GLOD4: variants seen among roughly 807,000 people sequenced by gnomAD.
GLOD4 encodes glyoxalase domain-containing protein 4.
GLOD4 carries 44 observed loss-of-function variants against 39.1 expected under a neutral mutation model. The observed-to-expected ratio is 1.13, with a 90% confidence interval of 0.88 to 1.45. The LOEUF is 1.45. GLOD4 is among the 40% of genes most tolerant of loss of function. GLOD4 has a pLI of 0.00. For synonymous variants in GLOD4, 145 were observed against 135.0 expected, an observed-to-expected ratio of 1.07 and a Z score of -0.52; for missense variants, 405 against 366.4, an observed-to-expected ratio of 1.11 and a Z score of -0.86.
intron 2 of GLOD4, chr17:777,684 A>ATT (rs1442584166): frequency 6.6e-6 from 1 of 152,148 alleles, no homozygotes; most frequent in Non-Finnish European, 1.5e-5. Context: ...CATCTAGAGC[A>ATT]TGTACTTATT....
Position 771,367 on chromosome 17 carries a change from A to G in GLOD4, c.501T>C (p.Asp167=). 1 of 1,604,436 alleles carries G rather than the reference A, an allele frequency of 6.2e-7. No homozygotes were observed. Residue 167 remains aspartate, a synonymous_variant, in exon 5 of 9, where the codon GAT becomes GAC. Coordinates refer to ENST00000301329, the MANE Select transcript of GLOD4 (RefSeq NM_016080.4). ...NLLGMKIYEK[D]EEKQRALLGY... ...CCAGCAAAGCCCTTTGCTTTTCTTC[A>G]TCTTTTTCATAAATTTTCATTCCCA...
chr17:785,618 T>C (rs1910495800), upstream of GLOD4, among the ~76,000 whole-genome samples: 2 of 152,238 alleles, frequency 1.3e-5, no homozygotes, highest in African/African-American at 4.8e-5. Context: ...GCGTGAGGCC[T>C]TGGAAGTGAC....
intron 2 of GLOD4, chr17:778,296 T>A: frequency 3.1e-6 from 1 of 323,612 alleles, no homozygotes; most frequent in Non-Finnish European, 5.6e-6. Flanking sequence ...GCGCCTGACG[T>A]GGCGGAAAAT....
chr17:779,709 T>C (rs1909555149), intron 1 of GLOD4, among the ~76,000 whole-genome samples: 1 of 152,084 alleles, frequency 6.6e-6, no homozygotes, highest in Non-Finnish European at 1.5e-5. Context: ...AATTAGAATC[T>C]GAGTCTCAGT....
rs1905179618 is a variant in GLOD4, at chr17:759,937, G to A, written c.*236C>T. The A allele has an allele frequency of 2.6e-5, 14 of 528,728 alleles. No individual in the cohort carries two copies. Among genetic ancestry groups the A allele is most frequent in the Admixed American group, 6.9e-5 (2 of 29,088 alleles). The allele number at this position is 528,728 out of a possible 1,614,324, so 32.8% of individuals were successfully genotyped here. The stretch of plus-strand genomic sequence containing the variant: ...TCCAACACAGTTATATACAGAATGC[G>A]CAGTCCCAGCAACAGTGTAGATTAC... On this transcript the variant is annotated 3_prime_UTR_variant, in exon 9 of 9. Coordinates refer to ENST00000301329, the MANE Select transcript of GLOD4 (RefSeq NM_016080.4).
At chr17:782,985 G>T, upstream of GLOD4, 1 of 1,491,260 alleles carries the variant, frequency 6.7e-7, no homozygotes, top group African/African-American at 1.4e-5. Flanking sequence ...ACCGCGCCCG[G>T]CCCTCTCCGT....
chr17:764,261 A>C (rs979974715), intron 8 of GLOD4: 2 of 152,220 alleles, frequency 1.3e-5, no homozygotes, highest in African/African-American at 4.8e-5. Context: ...AAAAAACATC[A>C]GCTGGGCATA....
At chr17:774,523 A>C (rs1296926714) in intron 4 of GLOD4, among the ~76,000 whole-genome samples, 1 of 152,256 alleles carries the variant, frequency 6.6e-6, no homozygotes, top group Non-Finnish European at 1.5e-5. Flanking sequence ...TCAACAAAAC[A>C]AACCCTGCAA....
intron 2 of GLOD4, among the ~76,000 whole-genome samples, chr17:778,035 G>A (rs1479191597): frequency 2.0e-5 from 3 of 152,186 alleles, no homozygotes; most frequent in Non-Finnish European, 2.9e-5. Context: ...GGAGGTGCTG[G>A]ATTGGAGCCT....
At chr17:764,000 G>GCTCT (rs1906010039) in intron 8 of GLOD4, 2 of 152,202 alleles carry the variant, frequency 1.3e-5, no homozygotes, top group East Asian at 3.8e-4. Context: ...GTCACGTAAG[G>GCTCT]CTCTGTCGTA....
rs1489787390 is a variant in GLOD4, at chr17:759,490, T to C, written c.*683A>G. 2 of 152,088 alleles carry C rather than the reference T, an allele frequency of 1.3e-5. No homozygotes were observed. Among genetic ancestry groups the C allele is most frequent in the Non-Finnish European group, 2.9e-5 (2 of 68,034 alleles). The allele number at this position is 152,088 out of a possible 1,614,324, so 9.4% of individuals were successfully genotyped here. A position where few individuals can be genotyped will look rare whatever the true frequency, so the allele number is the denominator to read the frequency against. On this transcript the variant is annotated 3_prime_UTR_variant, in exon 9 of 9. Transcript: ENST00000301329. ...TCGTTTAATCCATTTTAAAGAAATC[T>C]CACATGATGTTCTGTCGGGATTAAA...
intron 4 of GLOD4, among the ~76,000 whole-genome samples, chr17:772,506 G>C (rs754866141): frequency 2.0e-5 from 3 of 151,984 alleles, no homozygotes; most frequent in African/African-American, 7.3e-5. Flanking sequence ...CAACAACCAA[G>C]AAAAGGAATT....
intron 8 of GLOD4, 152 bp from the exon 9 acceptor site, chr17:760,390 A>T (rs1319354137): frequency 5.1e-6 from 3 of 591,028 alleles, no homozygotes; most frequent in Non-Finnish European, 6.0e-6. Flanking sequence ...GAAGAGAAAT[A>T]AAAAAAATTT....
In GLOD4 at chr17:770,439, G is replaced by A. The variant is rs1187326319; in HGVS notation, c.612C>T (p.Phe204=). ...DHAAAFGRIA[F]SCPQKELPDL... is the part of the protein sequence containing the mutation. ...GCGTTACCTCTTTCTGGGGGCAAGA[G>A]AAGGCAATTCTTCCAAAAGCTGCTG... The change falls in exon 6 of 9, where the codon TTC becomes TTT. Residue 204 remains phenylalanine, a synonymous_variant. Transcript: ENST00000301329. 2 of 1,567,574 alleles carry A rather than the reference G, an allele frequency of 1.3e-6. No homozygotes were observed. Among genetic ancestry groups the A allele is most frequent in the Non-Finnish European group, 1.8e-6 (2 of 1,137,484 alleles).
intron 5 of GLOD4, 35 bp from the exon 6 acceptor site, chr17:770,542 G>T (rs760928077): frequency 2.1e-6 from 2 of 944,118 alleles, no homozygotes; most frequent in Non-Finnish European, 3.5e-6. Flanking sequence ...TTTGGAACAG[G>T]TTATACATTC....
intron 8 of GLOD4, among the ~76,000 whole-genome samples, chr17:768,092 A>T (rs1907034359): frequency 6.6e-6 from 1 of 150,718 alleles, no homozygotes; most frequent in African/African-American, 2.5e-5. Context: ...TTTTAGAAGA[A>T]GAAATCTGGA....
At chr17:783,379 C>T (rs759708309), upstream of GLOD4, 1 of 1,522,692 alleles carries the variant, frequency 6.6e-7, no homozygotes, top group African/African-American at 1.4e-5. Context: ...TTCTGTCACC[C>T]AGGCTGGAGT....
At position 778,678 on chromosome 17, in the gene GLOD4, G is replaced by A. The variant is rs776214749; in HGVS notation, c.140+17C>T. On this transcript the variant is annotated intron_variant, in intron 2 of 8. Transcript: ENST00000301329. ...AGTCAGAGCCTAAAGGAGATTTTAA[G>A]AAACAAGGTATCATACCCATTACAG... is the stretch of plus-strand genomic sequence containing the variant. 1.4e-6 allele frequency: 2 copies of A among 1,462,400 alleles called. No individual in the cohort carries two copies. Among genetic ancestry groups the A allele is most frequent in the South Asian group, 1.1e-5 (1 of 88,010 alleles). The allele number at this position is 1,462,400 out of a possible 1,614,324, so 90.6% of individuals were successfully genotyped here. A position where few individuals can be genotyped will look rare whatever the true frequency, so the allele number is the denominator to read the frequency against.
rs560280557 is a variant in GLOD4 at position 763,270 on chromosome 17, G to A, written c.832-3032C>T. Among the ~76,000 whole-genome samples, 151 of 152,126 alleles carry A rather than the reference G, an allele frequency of 9.9e-4. 2 individuals are homozygous for A. The highest frequency in any genetic ancestry group is 3.6e-3 in the African/African-American group (148 of 41,516). On this transcript the variant is annotated intron_variant, in intron 8 of 8. Coordinates refer to ENST00000301329, the MANE Select transcript of GLOD4 (RefSeq NM_016080.4). The stretch of plus-strand genomic sequence containing the variant: ...CATCTGTAATCCCAGCACTTTGGGA[G>A]GCTGAGGCAGGTGGATCACCTGAGG...
Sources: gnomAD v4.1 joint callset for allele counts (sites outside exome capture counted in the v4.1 genomes callset) on GRCh38, gnomAD v4.1.1 for gene constraint, MANE v1.5 for transcripts, NCBI Gene and HGNC (gene_info 2026-07-23, HGNC 2026-07-21) for gene names.